Variants in PRDM16 observed in about 807,000 individuals in gnomAD.
PRDM16 encodes PR/SET domain 16.
A neutral mutation model predicts 110.6 loss-of-function variants in PRDM16; 23 were observed. The observed-to-expected ratio is 0.21, with a 90% CI of 0.15 to 0.29. The LOEUF is 0.29. Ranked by LOEUF, PRDM16 falls within the 10% of genes least tolerant of loss-of-function variation. The pLI is 1.00. For synonymous variants in PRDM16, 799 were observed against 781.8 expected (o/e 1.02, Z -0.37); for missense variants, 1,615 against 1,794.3 (o/e 0.90, Z 1.81).
intron 3 of PRDM16, among the ~76,000 whole-genome samples, chr1:3,340,197 G>T (rs923402940): frequency 8.5e-5 from 13 of 152,226 alleles, no homozygotes; most frequent in African/African-American, 3.1e-4. Flanking sequence ...CTCTGCTGTG[G>T]TAGCCGAGTC....
At chr1:3,135,229 C>T (rs1569649759) in intron 1 of PRDM16, among the ~76,000 whole-genome samples, 2 of 152,326 alleles carry the variant, frequency 1.3e-5, no homozygotes, top group South Asian at 4.1e-4. Flanking sequence ...GCCACCACCC[C>T]TTGGCTTCGG....
At chr1:3,146,276 G>A (rs955589117) in intron 1 of PRDM16, among the ~76,000 whole-genome samples, 4 of 152,216 alleles carry the variant, frequency 2.6e-5, no homozygotes, top group Middle Eastern at 3.2e-3. Context: ...GGTGGGGGGG[G>A]CCTCCCCGCT....
Position 3,394,359 on chromosome 1 carries a change from G to C in PRDM16, c.574-2132G>C. On this transcript the variant is annotated intron_variant, in intron 4 of 16. Transcript: ENST00000270722. ...GGAGGGGGCCAGGCGGAGGATCCAG[G>C]AGGGCCGCCCAGCCCCCGTCCGCCC... is the stretch of plus-strand genomic sequence containing the variant. 3 of 284,920 alleles carry C rather than the reference G, an allele frequency of 1.1e-5. 1 individual carries two copies. The highest frequency in any genetic ancestry group is 5.3e-5 in the South Asian group (3 of 56,990). The allele number at this position is 284,920 out of a possible 1,614,324, so 17.6% of individuals were successfully genotyped here. A position where few individuals can be genotyped will look rare whatever the true frequency, so the allele number is the denominator to read the frequency against.
At chr1:3,427,692 T>G (rs1638649088) in intron 14 of PRDM16, among the ~76,000 whole-genome samples, 1 of 152,110 alleles carries the variant, frequency 6.6e-6, no homozygotes, top group Admixed American at 6.5e-5. Flanking sequence ...TGAGCTCACC[T>G]GTAGGGCCCT....
chr1:3,183,915 G>A lies in PRDM16; in HGVS notation c.38-2210G>A, dbSNP rs562391986. On this transcript the variant is annotated intron_variant, in intron 1 of 16. Coordinates refer to ENST00000270722, the MANE Select transcript of PRDM16 (RefSeq NM_022114.4). ...AGAGGAGTTAAGGAGCGCGTCGAGG[G>A]GGCTTCGGCCTCCAACCCGACTTTG... Among the ~76,000 whole-genome samples the A allele has an allele frequency of 3.0e-4, 46 of 152,254 alleles. No homozygotes were observed. In the East Asian group the frequency reaches 5.6e-3, roughly 19 times the overall value.
intron 2 of PRDM16, among the ~76,000 whole-genome samples, chr1:3,193,175 G>A (rs1447634944): frequency 6.6e-6 from 1 of 152,216 alleles, no homozygotes; most frequent in Non-Finnish European, 1.5e-5. Flanking sequence ...GGGCAGCTTT[G>A]GGTGTGTTGC....
At chr1:3,154,070 C>G (rs207195) in intron 1 of PRDM16, among the ~76,000 whole-genome samples, 82,529 of 152,040 alleles carry the variant, frequency 0.54, 24,404 homozygotes, top group African/African-American at 0.8. Context: ...TCCCAATCTG[C>G]GGCCCTTTGT....
rs1444632471 is a variant in PRDM16, at chr1:3,208,516, A to C, written c.387+22042A>C. On this transcript the variant is annotated intron_variant, in intron 2 of 16. Transcript: ENST00000270722. The surrounding 1 kb of genome is among the most constrained non-coding windows in gnomAD (Gnocchi z 6.1). ...CGATGTCTCTACTAAAAATACAAAA[A>C]TTAGCTGGACGTGGTGGTGGGCACC... 6.6e-6 allele frequency: 1 copy of C among 152,038 alleles called. No homozygotes were observed. The highest frequency in any genetic ancestry group is 1.9e-4 in the East Asian group (1 of 5,166). 9.4% of individuals were successfully genotyped at this position (152,038 alleles called of 1,614,324 possible).
rs181121770 is a variant in PRDM16 at position 3,305,321 on chromosome 1, C to T, written c.438+61184C>T. 9.8e-5 allele frequency among the ~76,000 whole-genome samples: 15 copies of T among 152,308 alleles called. No homozygotes were observed. In the East Asian group the frequency reaches 2.9e-3, roughly 29 times the overall value. On this transcript the variant is annotated intron_variant, in intron 3 of 16. Coordinates refer to ENST00000270722, the MANE Select transcript of PRDM16 (RefSeq NM_022114.4). ...TGCAGAGTCCGGCACATGCAGGGAC[C>T]TGATGGGACGGGGACCTGCAGTTGC...
chr1:3,406,585 T>G (rs992336798), intron 8 of PRDM16, among the ~76,000 whole-genome samples: 4 of 152,096 alleles, frequency 2.6e-5, no homozygotes, highest in African/African-American at 9.7e-5. Context: ...AAAAAATTTT[T>G]TTTTTAATTA....
chr1:3,303,624 T>C (rs1328738762), intron 3 of PRDM16, among the ~76,000 whole-genome samples: 1 of 152,276 alleles, frequency 6.6e-6, no homozygotes, highest in Admixed American at 6.5e-5. Flanking sequence ...GTTTAACTTT[T>C]TGAGGAACTG....
chr1:3,195,925 G>C (rs1638462198), intron 2 of PRDM16, among the ~76,000 whole-genome samples: 1 of 152,198 alleles, frequency 6.6e-6, no homozygotes, highest in East Asian at 1.9e-4. Flanking sequence ...CGTGTGCCCT[G>C]GTCTCTGTGA....
intron 4 of PRDM16, among the ~76,000 whole-genome samples, chr1:3,389,523 C>T (rs552585464): frequency 5.9e-5 from 9 of 152,194 alleles, no homozygotes; most frequent in African/African-American, 1.7e-4. Flanking sequence ...GAGAGGTGAC[C>T]GGGCCCATCC....
In PRDM16 at chr1:3,246,283, C is replaced by T. The variant is rs578246289; in HGVS notation, c.438+2146C>T. ...GCATGAGATGCTGTCCAGCCAGGGG[C>T]CTACTTCCAAGTGCCCAGGGCAGCA... On this transcript the variant is annotated intron_variant, in intron 3 of 16. Coordinates refer to ENST00000270722, the MANE Select transcript of PRDM16 (RefSeq NM_022114.4). The surrounding 1 kb of genome is among the most constrained non-coding windows in gnomAD (Gnocchi z 5.2). 6.6e-6 allele frequency among the ~76,000 whole-genome samples: 1 copy of T among 152,166 alleles called. No homozygotes were observed. Among genetic ancestry groups the T allele is most frequent in the Non-Finnish European group, 1.5e-5 (1 of 68,032 alleles).
At chr1:3,410,121 G>GTA (rs1479548184) in intron 8 of PRDM16, among the ~76,000 whole-genome samples, 1 of 151,522 alleles carries the variant, frequency 6.6e-6, no homozygotes, top group Non-Finnish European at 1.5e-5. Context: ...TGTGTGGTGT[G>GTA]TGTGCATGTG....
rs1570072681 is a variant in PRDM16, at chr1:3,324,045, G to A, written c.439-61107G>A. Among the ~76,000 whole-genome samples, 3 of 152,286 alleles carry A rather than the reference G, an allele frequency of 2.0e-5. No individual in the cohort carries two copies. The East Asian group carries it at 5.8e-4, about 29-fold the overall frequency. ...CTGCCACCCTCCCTCCGTCTGGGTT[G>A]GGAGGAGGATCTACCAGCAGCAGGG... On this transcript the variant is annotated intron_variant, in intron 3 of 16. Transcript: ENST00000270722.
chr1:3,186,300 T>C lies in PRDM16; in HGVS notation c.213T>C (p.Pro71=), dbSNP rs768566296. 5 of 1,611,944 alleles carry C rather than the reference T, an allele frequency of 3.1e-6. No homozygotes were observed. The South Asian group carries it at 5.5e-5, about 18-fold the overall frequency. Residue 71 remains proline, a synonymous_variant, in exon 2 of 17, where the codon CCT becomes CCC. Coordinates refer to ENST00000270722, the MANE Select transcript of PRDM16 (RefSeq NM_022114.4). The part of the protein sequence containing the change: ...TPKEGSPYEA[P]VYIPEDIPIP... ...AGGAGGGCTCGCCGTACGAGGCCCC[T>C]GTCTACATTCCTGAAGACATTCCGA...
chr1:3,231,446 C>A (rs1032409117), intron 2 of PRDM16, among the ~76,000 whole-genome samples: 1 of 152,274 alleles, frequency 6.6e-6, no homozygotes, highest in African/African-American at 2.4e-5. Flanking sequence ...AAGGCCGTCC[C>A]CCTGGGGCAT....
At chr1:3,221,222 G>A (rs1022027881) in intron 2 of PRDM16, among the ~76,000 whole-genome samples, 7 of 152,300 alleles carry the variant, frequency 4.6e-5, no homozygotes, top group Middle Eastern at 3.4e-3. Context: ...GCCTCACTCC[G>A]CTCTTCAGGG....
Sources: allele counts gnomAD v4.1 joint callset (sites outside exome capture counted in the v4.1 genomes callset), GRCh38; gene constraint gnomAD v4.1.1; non-coding constraint Gnocchi (gnomAD v3.1); transcripts MANE v1.5; gene names NCBI Gene and HGNC (gene_info 2026-07-23, HGNC 2026-07-21).